GALNT13: variants seen among roughly 807,000 people sequenced by gnomAD.
The protein encoded by GALNT13 is UDP-GalNAc:polypeptide N-acetylgalactosaminyltransferase 13.
A neutral mutation model predicts 64.2 loss-of-function variants in GALNT13; 28 were observed. The observed-to-expected ratio is 0.44, with a 90% CI of 0.32 to 0.60. The LOEUF is 0.60. Among genes scored for constraint, GALNT13 ranks in the 20% least tolerant of loss-of-function variants. The pLI is 0.05. For missense variants in GALNT13, 577 were observed against 669.8 expected (o/e 0.86, Z 1.53); for synonymous variants, 214 against 224.6 (o/e 0.95, Z 0.42).
At chr2:153,487,046 A>T in the GALNT13 span, among the ~76,000 whole-genome samples, 22 of 152,314 alleles carry the variant, frequency 1.4e-4, no homozygotes, top group African/African-American at 4.8e-4. Context: ...TTTCCATAGG[A>T]CAAGTGTGTG....
At chr2:153,254,961 G>C in the GALNT13 span, among the ~76,000 whole-genome samples, 1 of 152,252 alleles carries the variant, frequency 6.6e-6, no homozygotes, top group South Asian at 2.1e-4. Flanking sequence ...TTTGGGTGGA[G>C]AGTTCTGTAG....
chr2:153,936,113 T>C (rs1690894500), intron 2 of GALNT13, among the ~76,000 whole-genome samples: 1 of 152,258 alleles, frequency 6.6e-6, no homozygotes, highest in Admixed American at 6.5e-5. Context: ...CTGCAGTTTC[T>C]GCATTCGCAG....
the GALNT13 span, among the ~76,000 whole-genome samples, chr2:153,117,950 G>C: frequency 1.8e-4 from 27 of 152,074 alleles, no homozygotes; most frequent in Non-Finnish European, 2.9e-4. Flanking sequence ...ATTGTTCTTA[G>C]TCCCTAATGC....
At chr2:154,119,235 C>T (rs1351823657) in intron 3 of GALNT13, among the ~76,000 whole-genome samples, 1 of 152,058 alleles carries the variant, frequency 6.6e-6, no homozygotes, top group Non-Finnish European at 1.5e-5. Flanking sequence ...CTTTTTTCTT[C>T]AGCACTTTGA....
In GALNT13 at chr2:154,298,474, A is replaced by C. The variant is rs1487446159; in HGVS notation, c.976-2935A>C. Among the ~76,000 whole-genome samples the C allele has an allele frequency of 2.2e-5, 3 of 134,532 alleles. No individual in the cohort carries two copies. The East Asian group carries it at 6.4e-4, about 29-fold the overall frequency. 88.3% of individuals were successfully genotyped at this position (134,532 alleles called of 152,430 possible). On this transcript the variant is annotated intron_variant, in intron 8 of 12. Coordinates refer to ENST00000392825, the MANE Select transcript of GALNT13 (RefSeq NM_052917.4). ...ATTTATATATACATATATAAATTAT[A>C]TATAAATTATATATAAATTATATAT...
At chr2:153,399,205 C>G in the GALNT13 span, among the ~76,000 whole-genome samples, 3 of 147,842 alleles carry the variant, frequency 2.0e-5, no homozygotes, top group East Asian at 4.0e-4. Context: ...GCTTGTTTTT[C>G]TCAGGTTTGT....
At chr2:154,250,267 C>T (rs542268494) in intron 7 of GALNT13, among the ~76,000 whole-genome samples, 2 of 152,068 alleles carry the variant, frequency 1.3e-5, no homozygotes, top group East Asian at 1.9e-4. Flanking sequence ...AGCAGAACAC[C>T]AATGAGCCAT....
chr2:153,970,593 T>C (rs930862676), intron 3 of GALNT13, among the ~76,000 whole-genome samples: 9 of 152,190 alleles, frequency 5.9e-5, no homozygotes, highest in Non-Finnish European at 7.4e-5. Flanking sequence ...CATGTTATAC[T>C]CCTCTCCTAA....
chr2:153,252,945 C>T, the GALNT13 span, among the ~76,000 whole-genome samples: 67 of 151,870 alleles, frequency 4.4e-4, no homozygotes, highest in African/African-American at 1.3e-3. Context: ...ATTGACTTGG[C>T]GATGCAGGCT....
At position 153,944,655 on chromosome 2, in the gene GALNT13, G is replaced by T. The variant is rs1295129707; in HGVS notation, c.142+16G>T. The T allele has an allele frequency of 6.2e-7, 1 of 1,606,930 alleles. No homozygotes were observed. The highest frequency in any genetic ancestry group is 1.7e-5 in the Admixed American group (1 of 59,412). ...GCATTGAGGGGTAAGTGCTTATGAAGCAAATACTGTCTTTATAGAGATGAG... is the reference window on the plus strand; with the variant it reads ...GCATTGAGGGGTAAGTGCTTATGAATCAAATACTGTCTTTATAGAGATGAG... On this transcript the variant is annotated intron_variant, in intron 3 of 12. Coordinates refer to ENST00000392825, the MANE Select transcript of GALNT13 (RefSeq NM_052917.4).
At chr2:154,264,083 A>C (rs556028341) in intron 8 of GALNT13, among the ~76,000 whole-genome samples, 1 of 152,268 alleles carries the variant, frequency 6.6e-6, no homozygotes, top group African/African-American at 2.4e-5. Context: ...TGAACAGAGT[A>C]ATGGAGTCCT....
At chr2:153,987,052 G>C (rs1261718345) in intron 3 of GALNT13, among the ~76,000 whole-genome samples, 1 of 151,934 alleles carries the variant, frequency 6.6e-6, no homozygotes, top group East Asian at 1.9e-4. Context: ...AAGAGAGGAA[G>C]GTGGTTTGAA....
At chr2:154,090,036 C>T (rs117814097) in intron 3 of GALNT13, among the ~76,000 whole-genome samples, 3 of 151,928 alleles carry the variant, frequency 2.0e-5, no homozygotes, top group East Asian at 1.9e-4. Flanking sequence ...GTGTGCCTTG[C>T]GAGAAGCACA....
At chr2:153,655,985 C>CT in the GALNT13 span, among the ~76,000 whole-genome samples, 1 of 152,088 alleles carries the variant, frequency 6.6e-6, no homozygotes, top group African/African-American at 2.4e-5. Flanking sequence ...AAAATTCCTA[C>CT]TAGTATTTCA....
At chr2:153,197,057 T>C in the GALNT13 span, among the ~76,000 whole-genome samples, 3 of 152,238 alleles carry the variant, frequency 2.0e-5, no homozygotes, top group South Asian at 6.2e-4. Context: ...CAAAGTGATG[T>C]GTACAGGTGA....
intron 4 of GALNT13, among the ~76,000 whole-genome samples, chr2:154,178,122 G>T (rs1433518092): frequency 6.6e-6 from 1 of 152,068 alleles, no homozygotes; most frequent in African/African-American, 2.4e-5. Flanking sequence ...CTGCAGCTGG[G>T]CCAGGAAACA....
intron 9 of GALNT13, among the ~76,000 whole-genome samples, chr2:154,348,550 C>G (rs1390969074): frequency 1.3e-5 from 2 of 151,884 alleles, no homozygotes; most frequent in Admixed American, 1.3e-4. Context: ...GTGTTCATTC[C>G]CTCCTGACAG....
the GALNT13 span, among the ~76,000 whole-genome samples, chr2:153,681,485 G>A: frequency 6.6e-6 from 1 of 151,588 alleles, no homozygotes; most frequent in African/African-American, 2.4e-5. Flanking sequence ...CATCCTTTAA[G>A]TCTACAAATA....
the GALNT13 span, among the ~76,000 whole-genome samples, chr2:153,488,590 T>C: frequency 0.035 from 5,285 of 152,288 alleles, 266 homozygotes; most frequent in African/African-American, 0.12. Flanking sequence ...ACATCATTGC[T>C]GGAGAGCCTG....
Sources: allele counts gnomAD v4.1 joint callset (sites outside exome capture counted in the v4.1 genomes callset), GRCh38; gene constraint gnomAD v4.1.1; transcripts MANE v1.5; gene names NCBI Gene and HGNC (gene_info 2026-07-23, HGNC 2026-07-21).